NDRG1: variants seen among roughly 807,000 people sequenced by gnomAD.
NDRG1 encodes N-myc downstream regulated 1, also known as protein NDRG1.
A neutral mutation model predicts 56.9 loss-of-function variants in NDRG1; 32 were observed. The observed-to-expected ratio is 0.56, with a 90% CI of 0.42 to 0.76. The LOEUF (loss-of-function observed/expected upper bound fraction) is 0.76, where lower values mean the gene tolerates loss of function less well. NDRG1 is among the 30% of genes least tolerant of loss of function. The pLI is 0.00. For missense variants in NDRG1, 507 were observed against 545.7 expected, an observed-to-expected ratio of 0.93 and a Z score of 0.71; for synonymous variants, 211 against 204.1, an observed-to-expected ratio of 1.03 and a Z score of -0.29.
intron 1 of NDRG1, among the ~76,000 whole-genome samples, chr8:133,291,700 G>C (rs1858438497): frequency 6.6e-6 from 1 of 152,152 alleles, no homozygotes. Context: ...ACCACAGTAG[G>C]AACTCCTCGA....
intron 9 of NDRG1, 144 bp from the exon 10 acceptor site, chr8:133,250,687 AAC>A (rs1033675326): frequency 9.2e-6 from 7 of 760,632 alleles, no homozygotes; most frequent in Non-Finnish European, 1.6e-5. Context: ...CTAAAAAAAA[AAC>A]CTTTGGGAAA....
chr8:133,268,979 C>T (rs1857057656), intron 3 of NDRG1, among the ~76,000 whole-genome samples: 1 of 152,214 alleles, frequency 6.6e-6, no homozygotes, highest in African/African-American at 2.4e-5. Flanking sequence ...AGAATTACAA[C>T]ACTCACAAAC....
In NDRG1 at chr8:133,237,596, C is replaced by G; in HGVS notation, c.*1282G>C. ...CCCCATTCGGCGAAAGGTTAGGGAG[C>G]AGGAAAAGAGGAAGCAGGAGAGGGA... On this transcript the variant is annotated 3_prime_UTR_variant, in exon 16 of 16. Coordinates refer to ENST00000323851, the MANE Select transcript of NDRG1 (RefSeq NM_006096.4). 2 of 233,122 alleles carry G rather than the reference C, an allele frequency of 8.6e-6. No individual in the cohort carries two copies. Among genetic ancestry groups the G allele is most frequent in the South Asian group, 3.6e-4 (2 of 5,530 alleles). 14.4% of individuals were successfully genotyped at this position (233,122 alleles called of 1,614,324 possible).
At chr8:133,268,633 T>C (rs1438535594) in intron 3 of NDRG1, among the ~76,000 whole-genome samples, 1 of 152,098 alleles carries the variant, frequency 6.6e-6, no homozygotes, top group Non-Finnish European at 1.5e-5. Context: ...GGGAGGCCCA[T>C]CAATCCCATT....
chr8:133,294,617 A>G (rs1339681456), intron 1 of NDRG1, among the ~76,000 whole-genome samples: 1 of 151,254 alleles, frequency 6.6e-6, no homozygotes, highest in Non-Finnish European at 1.5e-5. Flanking sequence ...AGGCCAGCGG[A>G]TTTCAACGTA....
chr8:133,276,163 T>C (rs1586473917), intron 3 of NDRG1, among the ~76,000 whole-genome samples: 1 of 152,304 alleles, frequency 6.6e-6, no homozygotes, highest in East Asian at 1.9e-4. Flanking sequence ...CAAAGGCTTC[T>C]CTGTGTGGCC....
intron 3 of NDRG1, among the ~76,000 whole-genome samples, chr8:133,271,777 C>CT (rs1416601404): frequency 8.1e-5 from 3 of 37,246 alleles, no homozygotes; most frequent in Admixed American, 4.8e-4. Context: ...GAGACCCTGT[C>CT]TAAAAAAAAA....
chr8:133,262,209 T>A, intron 4 of NDRG1, 42 bp from the exon 5 acceptor site: 1 of 1,612,938 alleles, frequency 6.2e-7, no homozygotes. Context: ...AAAAGTAAGA[T>A]GAGAAAAAAA....
chr8:133,260,382 C>T (rs892041938), intron 5 of NDRG1, among the ~76,000 whole-genome samples: 2 of 152,208 alleles, frequency 1.3e-5, no homozygotes, highest in Non-Finnish European at 2.9e-5. Context: ...CTGCCCTACT[C>T]CAGGAGGAAG....
intron 8 of NDRG1, chr8:133,255,618 A>C (rs924064921): frequency 4.7e-5 from 16 of 338,114 alleles, no homozygotes; most frequent in African/African-American, 3.0e-4. Context: ...AGTGTGTTCC[A>C]CTCCAGAACG....
chr8:133,237,593 G>C lies in NDRG1; in HGVS notation c.*1285C>G, dbSNP rs1855125168. 4.3e-6 allele frequency: 1 copy of C among 233,154 alleles called. No homozygotes were observed. The highest frequency in any genetic ancestry group is 5.6e-5 in the Admixed American group (1 of 17,778). The allele number at this position is 233,154 out of a possible 1,614,324, so 14.4% of individuals were successfully genotyped here. ...CTGCCCCATTCGGCGAAAGGTTAGG[G>C]AGCAGGAAAAGAGGAAGCAGGAGAG... On this transcript the variant is annotated 3_prime_UTR_variant, in exon 16 of 16. Transcript: ENST00000323851.
Position 133,273,242 on chromosome 8 carries a change from T to C in NDRG1, c.99+6990A>G, listed in dbSNP as rs1468789544. ...AACTCAAGATCCAGGTGGAGGGAAT[T>C]AGAAGCAGCAAATCCAACAGAAAAA... On this transcript the variant is annotated intron_variant, in intron 3 of 15. Coordinates refer to ENST00000323851, the MANE Select transcript of NDRG1 (RefSeq NM_006096.4). Among the ~76,000 whole-genome samples, 5 of 124,064 alleles carry C rather than the reference T, an allele frequency of 4.0e-5. No individual in the cohort carries two copies. The South Asian group carries it at 1.6e-3, about 39-fold the overall frequency. 81.4% of individuals were successfully genotyped at this position (124,064 alleles called of 152,430 possible).
chr8:133,275,186 C>A (rs928212497), intron 3 of NDRG1, among the ~76,000 whole-genome samples: 2 of 152,210 alleles, frequency 1.3e-5, no homozygotes, highest in Non-Finnish European at 2.9e-5. Context: ...CAACCCTACA[C>A]CCAAGATTTT....
At position 133,285,335 on chromosome 8, in the gene NDRG1, GAGA is replaced by G. The variant is rs1362442327; in HGVS notation, c.-18-1009_-18-1007del. ...TACAGACAGCAGCAGAGGACCGGCGGAGAAGAAGTAAGTGACAAGAGGGAAGAG... is the reference window on the plus strand; with the variant it reads ...TACAGACAGCAGCAGAGGACCGGCGGAGAAGTAAGTGACAAGAGGGAAGAG... On this transcript the variant is annotated intron_variant, in intron 1 of 15. Coordinates refer to ENST00000323851, the MANE Select transcript of NDRG1 (RefSeq NM_006096.4). Among the ~76,000 whole-genome samples, 4 of 152,350 alleles carry G rather than the reference GAGA, an allele frequency of 2.6e-5. No homozygotes were observed. In the East Asian group the frequency reaches 5.8e-4, roughly 22 times the overall value.
intron 13 of NDRG1, among the ~76,000 whole-genome samples, chr8:133,246,213 C>G (rs1183569703): frequency 6.6e-6 from 1 of 152,262 alleles, no homozygotes; most frequent in African/African-American, 2.4e-5. Context: ...AGTGAGCTGG[C>G]TCACCATGTG....
intron 9 of NDRG1, among the ~76,000 whole-genome samples, chr8:133,251,831 C>T (rs1380586438): frequency 6.6e-6 from 1 of 152,144 alleles, no homozygotes; most frequent in Non-Finnish European, 1.5e-5. Flanking sequence ...TCCTGGATTA[C>T]ATGAGCCGGG....
At chr8:133,280,399 C>T in intron 2 of NDRG1, 132 bp from the exon 3 acceptor site, 3 of 803,376 alleles carry the variant, frequency 3.7e-6, no homozygotes, top group East Asian at 2.6e-5. Flanking sequence ...TCCTTAATTC[C>T]TCACAAAGGC....
At chr8:133,254,777 T>A in intron 8 of NDRG1, 182 bp from the exon 9 acceptor site, 1 of 661,594 alleles carries the variant, frequency 1.5e-6, no homozygotes, top group South Asian at 1.8e-5. Context: ...CTGGACCTGA[T>A]CCCCCAAATG....
At chr8:133,244,219 A>C in intron 14 of NDRG1, 136 bp downstream of exon 14, 2 of 1,097,452 alleles carry the variant, frequency 1.8e-6, no homozygotes, top group South Asian at 2.6e-5. Context: ...CCTATATAGC[A>C]CCTTTTCCCA....
Sources: allele counts gnomAD v4.1 joint callset (sites outside exome capture counted in the v4.1 genomes callset), GRCh38; gene constraint gnomAD v4.1.1; transcripts MANE v1.5; gene names NCBI Gene and HGNC (gene_info 2026-07-23, HGNC 2026-07-21).